KCNIP4: variants seen among roughly 807,000 people sequenced by gnomAD.
KCNIP4 encodes potassium voltage-gated channel interacting protein 4.
A neutral mutation model predicts 34.0 loss-of-function variants in KCNIP4; 12 were observed. The ratio of observed to expected loss-of-function variants is 0.35; its 90% CI spans 0.23 to 0.57. KCNIP4 has a LOEUF of 0.57. KCNIP4 is among the 20% of genes least tolerant of loss of function. KCNIP4 has a pLI of 0.83. For synonymous variants in KCNIP4, 124 were observed against 102.2 expected (o/e 1.21, Z -1.29); for missense variants, 238 against 311.7 (o/e 0.76, Z 1.78).
At chr4:21,833,420 C>G (rs1723117704) in intron 1 of KCNIP4, among the ~76,000 whole-genome samples, 1 of 151,920 alleles carries the variant, frequency 6.6e-6, no homozygotes, top group African/African-American at 2.4e-5. Flanking sequence ...TGTCCTTTGC[C>G]CACTTTTTGA....
chr4:20,867,380 C>A (rs1447740326), intron 2 of KCNIP4, among the ~76,000 whole-genome samples: 2 of 151,912 alleles, frequency 1.3e-5, no homozygotes, highest in Non-Finnish European at 2.9e-5. Context: ...ACACGCCTAC[C>A]ACCGTCTGAT....
At chr4:21,022,870 G>A (rs1740199506) in intron 1 of KCNIP4, among the ~76,000 whole-genome samples, 1 of 151,994 alleles carries the variant, frequency 6.6e-6, no homozygotes, top group African/African-American at 2.4e-5. Flanking sequence ...TTTTCGCCCA[G>A]TCTGGAGTGC....
intron 1 of KCNIP4, among the ~76,000 whole-genome samples, chr4:21,572,626 C>A (rs1311245002): frequency 6.6e-6 from 1 of 151,070 alleles, no homozygotes; most frequent in East Asian, 1.9e-4. Context: ...CCACAAAGAT[C>A]TCTCATCTTT....
chr4:21,107,740 G>T (rs1465100433), intron 1 of KCNIP4, among the ~76,000 whole-genome samples: 2 of 151,594 alleles, frequency 1.3e-5, no homozygotes, highest in South Asian at 2.1e-4. Context: ...GCTGGTACCA[G>T]TTGATCCTTT....
At chr4:21,041,275 A>T (rs115659492) in intron 1 of KCNIP4, among the ~76,000 whole-genome samples, 3,995 of 141,102 alleles carry the variant, frequency 0.028, 156 homozygotes, top group African/African-American at 0.097. Flanking sequence ...CGCACATGAA[A>T]ATAGTTTCAT....
intron 1 of KCNIP4, among the ~76,000 whole-genome samples, chr4:21,673,397 G>A (rs1270250721): frequency 1.3e-5 from 2 of 151,992 alleles, no homozygotes; most frequent in African/African-American, 4.8e-5. Context: ...GCTTCATCTT[G>A]ATTAAGTTCT....
chr4:20,762,978 A>G (rs1292775484), intron 3 of KCNIP4, among the ~76,000 whole-genome samples: 2 of 152,144 alleles, frequency 1.3e-5, no homozygotes, highest in African/African-American at 4.8e-5. Flanking sequence ...TGCTGAGTGA[A>G]AGGCAGGAGC....
intron 1 of KCNIP4, chr4:21,582,200 T>C (rs906789785): frequency 1.3e-5 from 2 of 151,976 alleles, no homozygotes; most frequent in East Asian, 3.9e-4. Context: ...ATGTAAAATA[T>C]ATGTTCTTAC....
intron 1 of KCNIP4, among the ~76,000 whole-genome samples, chr4:20,975,520 G>C (rs1209635474): frequency 6.6e-6 from 1 of 152,170 alleles, no homozygotes; most frequent in Admixed American, 6.5e-5. Flanking sequence ...TGGTCCAGCA[G>C]TGTGAAGTTA....
At chr4:21,259,688 A>T (rs920758905) in intron 1 of KCNIP4, among the ~76,000 whole-genome samples, 3 of 152,184 alleles carry the variant, frequency 2.0e-5, no homozygotes, top group African/African-American at 7.2e-5. Flanking sequence ...CCTTACGGTC[A>T]GGTGGGGACG....
chr4:21,072,636 G>A (rs1382164963), intron 1 of KCNIP4, among the ~76,000 whole-genome samples: 4 of 152,094 alleles, frequency 2.6e-5, no homozygotes, highest in African/African-American at 9.7e-5. Context: ...CTGTGCAGAA[G>A]TTCTTTAGTT....
At chr4:21,089,666 T>C (rs6858766) in intron 1 of KCNIP4, among the ~76,000 whole-genome samples, 25,557 of 152,062 alleles carry the variant, frequency 0.17, 2,224 homozygotes, top group East Asian at 0.24. Flanking sequence ...CAACAAATCT[T>C]GTTTGCTCAC....
Position 21,132,746 on chromosome 4 carries a change from C to T in KCNIP4, c.62-250037G>A, listed in dbSNP as rs182745421. On this transcript the variant is annotated intron_variant, in intron 1 of 8. Coordinates refer to ENST00000382152, the MANE Select transcript of KCNIP4 (RefSeq NM_025221.6). ...TTTTGCGGCCAGGCACGGTGGCTCA[C>T]GCCTGTAATCCTAGCACTTTGGGAC... Among the ~76,000 whole-genome samples, 394 of 151,788 alleles carry T rather than the reference C, an allele frequency of 2.6e-3. 1 individual carries two copies. The highest frequency in any genetic ancestry group is 3.8e-3 in the Non-Finnish European group (256 of 67,954).
At chr4:21,027,672 T>C (rs1275370916) in intron 1 of KCNIP4, among the ~76,000 whole-genome samples, 1 of 151,568 alleles carries the variant, frequency 6.6e-6, no homozygotes, top group East Asian at 1.9e-4. Flanking sequence ...ACTTCTTCTA[T>C]TGTTCTTTTG....
chr4:21,945,490 T>G (rs532720572), intron 1 of KCNIP4, among the ~76,000 whole-genome samples: 3 of 152,350 alleles, frequency 2.0e-5, no homozygotes, highest in African/African-American at 7.2e-5. Flanking sequence ...TGAGTTTGCC[T>G]TATTTTTAAA....
At chr4:20,765,828 C>T (rs978834973) in intron 3 of KCNIP4, among the ~76,000 whole-genome samples, 28 of 152,258 alleles carry the variant, frequency 1.8e-4, no homozygotes, top group African/African-American at 6.3e-4. Flanking sequence ...AAGAAACAGT[C>T]GCCTTTTGGG....
intron 1 of KCNIP4, among the ~76,000 whole-genome samples, chr4:21,627,967 G>A (rs1577716561): frequency 2.0e-5 from 3 of 152,240 alleles, no homozygotes; most frequent in South Asian, 4.2e-4. Flanking sequence ...AAGATCCAAA[G>A]GGAGGTAATA....
intron 1 of KCNIP4, among the ~76,000 whole-genome samples, chr4:20,982,309 A>C (rs997817800): frequency 3.3e-5 from 5 of 152,196 alleles, no homozygotes; most frequent in Non-Finnish European, 7.4e-5. Flanking sequence ...GAGAACCAAA[A>C]CGTGGTGACA....
At chr4:21,063,156 A>G (rs1230831058) in intron 1 of KCNIP4, among the ~76,000 whole-genome samples, 5 of 152,118 alleles carry the variant, frequency 3.3e-5, no homozygotes, top group Non-Finnish European at 7.4e-5. Flanking sequence ...CAGCTCCCTT[A>G]CAGCCCTCAG....
Sources: gnomAD v4.1 joint callset for allele counts (sites outside exome capture counted in the v4.1 genomes callset) on GRCh38, gnomAD v4.1.1 for gene constraint, MANE v1.5 for transcripts, NCBI Gene and HGNC (gene_info 2026-07-23, HGNC 2026-07-21) for gene names.